LRRIQ3: variants seen among roughly 807,000 people sequenced by gnomAD.
LRRIQ3 encodes the protein leucine-rich repeat and IQ domain-containing protein 3.
Under a neutral mutation model 59.3 loss-of-function variants are expected in LRRIQ3, and 75 were observed. That is an observed-to-expected ratio of 1.26 (90% CI 1.05 to 1.53). LRRIQ3 has a LOEUF of 1.53. Ranked by LOEUF, LRRIQ3 falls within the 40% of genes most tolerant of loss-of-function variation. LRRIQ3 has a pLI of 0.00. For synonymous variants in LRRIQ3, 250 were observed against 231.3 expected, an observed-to-expected ratio of 1.08 and a Z score of -0.73; for missense variants, 831 against 710.0, an observed-to-expected ratio of 1.17 and a Z score of -1.94.
chr1:74,137,453 G>T (rs932676213), intron 4 of LRRIQ3, among the ~76,000 whole-genome samples: 1 of 152,076 alleles, frequency 6.6e-6, no homozygotes, highest in Admixed American at 6.6e-5. Context: ...ACAGATGCTG[G>T]TGAGGCTGTG....
chr1:74,028,021 T>C lies in LRRIQ3; in HGVS notation c.1719-1052A>G, dbSNP rs59076272. Among the ~76,000 whole-genome samples, 488 of 152,162 alleles carry C rather than the reference T, an allele frequency of 3.2e-3. 8 individuals are homozygous for C. In the East Asian group the frequency reaches 0.054, roughly 17 times the overall value. On this transcript the variant is annotated intron_variant, in intron 7 of 7. Coordinates refer to ENST00000354431, the MANE Select transcript of LRRIQ3 (RefSeq NM_001105659.2). ...ACTGAATCTTGAAAGATGTGTATTTTCCAGTCAGAAAGTGGAAGAGAATTT... is the reference window on the plus strand; with the variant it reads ...ACTGAATCTTGAAAGATGTGTATTTCCCAGTCAGAAAGTGGAAGAGAATTT...
intron 3 of LRRIQ3, among the ~76,000 whole-genome samples, chr1:74,179,018 T>C (rs1344549563): frequency 6.6e-6 from 1 of 152,114 alleles, no homozygotes; most frequent in African/African-American, 2.4e-5. Context: ...AAGGACTTCC[T>C]ATATCCTAAC....
At chr1:74,088,782 C>CA (rs954625939) in intron 5 of LRRIQ3, among the ~76,000 whole-genome samples, 7 of 151,184 alleles carry the variant, frequency 4.6e-5, no homozygotes. Context: ...AGATATGACA[C>CA]AAAAAATAAA....
At chr1:74,110,619 G>T (rs924022986) in intron 4 of LRRIQ3, among the ~76,000 whole-genome samples, 1 of 151,906 alleles carries the variant, frequency 6.6e-6, no homozygotes, top group Non-Finnish European at 1.5e-5. Flanking sequence ...GATAAATGAG[G>T]TAGATGGTTA....
chr1:74,052,238 T>C (rs1246445767), intron 6 of LRRIQ3, among the ~76,000 whole-genome samples: 1 of 152,168 alleles, frequency 6.6e-6, no homozygotes, highest in Non-Finnish European at 1.5e-5. Context: ...GCTTTGGATC[T>C]AACTTTCTCT....
At chr1:74,155,343 A>G (rs1648254343) in intron 4 of LRRIQ3, among the ~76,000 whole-genome samples, 2 of 152,216 alleles carry the variant, frequency 1.3e-5, no homozygotes, top group South Asian at 4.1e-4. Flanking sequence ...GGAACAAGAA[A>G]AGAGGAAAAG....
At chr1:74,095,656 A>G (rs1646440691) in intron 5 of LRRIQ3, among the ~76,000 whole-genome samples, 1 of 152,098 alleles carries the variant, frequency 6.6e-6, no homozygotes, top group African/African-American at 2.4e-5. Context: ...TATATTCAAT[A>G]TTGGATACTT....
At chr1:74,137,675 A>T (rs1570185611) in intron 4 of LRRIQ3, among the ~76,000 whole-genome samples, 2 of 152,128 alleles carry the variant, frequency 1.3e-5, no homozygotes, top group East Asian at 3.9e-4. Context: ...TCACAATAGC[A>T]AAGACTTGGA....
intron 4 of LRRIQ3, among the ~76,000 whole-genome samples, chr1:74,140,719 A>AT (rs1647222539): frequency 6.6e-6 from 1 of 151,818 alleles, no homozygotes; most frequent in African/African-American, 2.4e-5. Context: ...CTGCAAGGAA[A>AT]TTAAGCTTGT....
At chr1:74,153,162 C>A (rs1648094529) in intron 4 of LRRIQ3, among the ~76,000 whole-genome samples, 1 of 152,046 alleles carries the variant, frequency 6.6e-6, no homozygotes, top group African/African-American at 2.4e-5. Context: ...AGTATAGCTG[C>A]CTTTACGTAG....
chr1:74,115,215 A>G (rs1646762608), intron 4 of LRRIQ3, among the ~76,000 whole-genome samples: 1 of 152,138 alleles, frequency 6.6e-6, no homozygotes, highest in Non-Finnish European at 1.5e-5. Context: ...TCTAGACTCT[A>G]AGGACCTATT....
chr1:74,127,857 CTT>C (rs1482650814), intron 4 of LRRIQ3, among the ~76,000 whole-genome samples: 4 of 151,886 alleles, frequency 2.6e-5, no homozygotes, highest in Non-Finnish European at 5.9e-5. Flanking sequence ...CATTAACTTC[CTT>C]TTCTTTCTGG....
chr1:74,087,980 C>T (rs529089137), intron 5 of LRRIQ3, among the ~76,000 whole-genome samples: 1 of 152,088 alleles, frequency 6.6e-6, no homozygotes, highest in East Asian at 1.9e-4. Context: ...GTAGTCCCAG[C>T]TACTTGGGAG....
At chr1:74,031,852 G>A (rs1196108214) in intron 7 of LRRIQ3, among the ~76,000 whole-genome samples, 1 of 151,578 alleles carries the variant, frequency 6.6e-6, no homozygotes, top group African/African-American at 2.4e-5. Flanking sequence ...TCAAACAATT[G>A]GAAAATAAAA....
chr1:74,165,895 C>T (rs1016013127), intron 3 of LRRIQ3, among the ~76,000 whole-genome samples: 4 of 151,476 alleles, frequency 2.6e-5, no homozygotes, highest in Non-Finnish European at 1.5e-5. Flanking sequence ...GTTGAACCAT[C>T]CTTGAATCCC....
At chr1:74,114,339 A>C (rs1646748263) in intron 4 of LRRIQ3, among the ~76,000 whole-genome samples, 1 of 152,130 alleles carries the variant, frequency 6.6e-6, no homozygotes, top group Non-Finnish European at 1.5e-5. Context: ...TAATAGTACA[A>C]AAAGTGGGGA....
chr1:74,133,952 G>A (rs185584268), intron 4 of LRRIQ3, among the ~76,000 whole-genome samples: 81 of 151,812 alleles, frequency 5.3e-4, no homozygotes, highest in Non-Finnish European at 9.6e-4. Flanking sequence ...TATATGAAAT[G>A]ACACTCAATG....
At chr1:74,089,944 C>T (rs1041986681) in intron 5 of LRRIQ3, among the ~76,000 whole-genome samples, 1 of 151,922 alleles carries the variant, frequency 6.6e-6, no homozygotes, top group African/African-American at 2.4e-5. Context: ...AGATAATTAA[C>T]ATAATAGCAA....
At chr1:74,110,706 A>T (rs1646683074) in intron 4 of LRRIQ3, among the ~76,000 whole-genome samples, 2 of 152,084 alleles carry the variant, frequency 1.3e-5, no homozygotes, top group African/African-American at 4.8e-5. Flanking sequence ...CACTTCTAAG[A>T]TGTTTTAAGC....
Sources: gnomAD v4.1 joint callset for allele counts (sites outside exome capture counted in the v4.1 genomes callset) on GRCh38, gnomAD v4.1.1 for gene constraint, MANE v1.5 for transcripts, NCBI Gene and HGNC (gene_info 2026-07-23, HGNC 2026-07-21) for gene names.